Variants in CDH4 observed in about 807,000 individuals in gnomAD.
CDH4 encodes the protein cadherin 4, also known as cadherin-4.
CDH4 carries 33 observed loss-of-function variants against 86.0 expected under a neutral mutation model. The ratio of observed to expected loss-of-function variants is 0.38; its 90% CI spans 0.29 to 0.51. CDH4 has a LOEUF of 0.51. Among genes scored for constraint, CDH4 ranks in the 20% least tolerant of loss-of-function variants. The pLI is 0.86. For synonymous variants in CDH4, 555 were observed against 549.4 expected (o/e 1.01, Z -0.14); for missense variants, 1,114 against 1,307.4 (o/e 0.85, Z 2.28).
In CDH4 at chr20:61,925,597, A is replaced by G. The variant is rs114273053; in HGVS notation, c.1771+1121A>G. ...GCCGCTGCTCATCAGTGGGTGGAAC[A>G]CAGTGACGCCCTGCTGTGGCTTGGC... On this transcript the variant is annotated intron_variant, in intron 11 of 15. Coordinates refer to ENST00000614565, the MANE Select transcript of CDH4 (RefSeq NM_001794.5). 9.9e-3 allele frequency among the ~76,000 whole-genome samples: 1,506 copies of G among 152,346 alleles called. 31 individuals carry two copies. The highest frequency in any genetic ancestry group is 0.035 in the African/African-American group (1,442 of 41,576).
chr20:61,355,806 G>A (rs1287847219), intron 2 of CDH4, among the ~76,000 whole-genome samples: 4 of 152,168 alleles, frequency 2.6e-5, no homozygotes, highest in Non-Finnish European at 4.4e-5. Context: ...CCACACATGC[G>A]CACTACAGTC....
chr20:61,609,841 T>G (rs929169709), intron 2 of CDH4, among the ~76,000 whole-genome samples: 54 of 152,222 alleles, frequency 3.5e-4, no homozygotes, highest in African/African-American at 1.3e-3. Flanking sequence ...TTTTCCTGTG[T>G]TTTTCTTCTA....
At chr20:61,577,324 T>C (rs1403313937) in intron 2 of CDH4, among the ~76,000 whole-genome samples, 2 of 151,876 alleles carry the variant, frequency 1.3e-5, no homozygotes, top group East Asian at 3.9e-4. Flanking sequence ...GAAGGATGAG[T>C]GGATGTTTTG....
chr20:61,368,858 C>T (rs75961801), intron 2 of CDH4, among the ~76,000 whole-genome samples: 3,186 of 152,220 alleles, frequency 0.021, 46 homozygotes, highest in Non-Finnish European at 0.032. Context: ...TACTAAAACA[C>T]CCCTTAACGA....
chr20:61,543,155 C>T (rs563281767), intron 2 of CDH4, among the ~76,000 whole-genome samples: 6 of 152,316 alleles, frequency 3.9e-5, no homozygotes, highest in East Asian at 1.9e-4. Context: ...GCCACATTGA[C>T]GCTGGGTCTG....
At chr20:61,884,600 C>T (rs1300799837) in intron 7 of CDH4, among the ~76,000 whole-genome samples, 1 of 152,130 alleles carries the variant, frequency 6.6e-6, no homozygotes, top group Admixed American at 6.5e-5. Flanking sequence ...CATGCTCAGC[C>T]CCTCCCCACC....
chr20:61,366,941 C>T (rs117723297), intron 2 of CDH4, among the ~76,000 whole-genome samples: 1,612 of 152,180 alleles, frequency 0.011, 12 homozygotes, highest in Admixed American at 0.016. Context: ...GGGTCATAGC[C>T]CTGGACAACT....
chr20:61,907,239 G>A (rs1032314297), intron 8 of CDH4, among the ~76,000 whole-genome samples: 4 of 152,142 alleles, frequency 2.6e-5, no homozygotes, highest in Non-Finnish European at 4.4e-5. Context: ...CACGGACCTG[G>A]CTGAGGAGGG....
At position 61,322,684 on chromosome 20, in the gene CDH4, C is replaced by G. The variant is rs541631595; in HGVS notation, c.169+67747C>G. On this transcript the variant is annotated intron_variant, in intron 2 of 15. Transcript: ENST00000614565. ...GTTTGCCAGCCACACAATATGTTCA[C>G]TTCATCCAACGCTGAGACGCAGCCA... Among the ~76,000 whole-genome samples the G allele has an allele frequency of 2.0e-5, 3 of 152,312 alleles. No individual in the cohort carries two copies. The East Asian group carries it at 5.8e-4, about 29-fold the overall frequency.
intron 2 of CDH4, among the ~76,000 whole-genome samples, chr20:61,396,775 C>T (rs2085020003): frequency 6.6e-6 from 1 of 152,192 alleles, no homozygotes; most frequent in African/African-American, 2.4e-5. Context: ...CACAGTGACC[C>T]ATCACTAGCC....
rs139798606 is a variant in CDH4, at chr20:61,925,085, G to A, written c.1771+609G>A. Among the ~76,000 whole-genome samples, 302 of 152,310 alleles carry A rather than the reference G, an allele frequency of 2.0e-3. 1 individual carries two copies. The highest frequency in any genetic ancestry group is 8.1e-3 in the South Asian group (39 of 4,826). ...CCAGGGCCCTGGGAGTGCAGAGGGC[G>A]GTGGCAAGGTCCCGGGGCAGGCGGC... On this transcript the variant is annotated intron_variant, in intron 11 of 15. Coordinates refer to ENST00000614565, the MANE Select transcript of CDH4 (RefSeq NM_001794.5).
chr20:61,867,072 C>T lies in CDH4; in HGVS notation c.878-6656C>T, dbSNP rs534267106. On this transcript the variant is annotated intron_variant, in intron 6 of 15. Coordinates refer to ENST00000614565, the MANE Select transcript of CDH4 (RefSeq NM_001794.5). ...CAGTGAGGAACCAGCAGGAGAGAGA[C>T]GGGTGGAGGCTGCCTTCCAGGTGCC... Among the ~76,000 whole-genome samples, 9 of 152,348 alleles carry T rather than the reference C, an allele frequency of 5.9e-5. No individual in the cohort carries two copies. The South Asian group carries it at 1.2e-3, about 21-fold the overall frequency.
chr20:61,673,399 T>G (rs1454056717), intron 2 of CDH4, among the ~76,000 whole-genome samples: 1 of 152,234 alleles, frequency 6.6e-6, no homozygotes, highest in Non-Finnish European at 1.5e-5. Context: ...AAGGCCCACG[T>G]GAAGGGCATG....
chr20:61,446,025 C>T (rs1188081218), intron 2 of CDH4, among the ~76,000 whole-genome samples: 1 of 152,206 alleles, frequency 6.6e-6, no homozygotes, highest in Non-Finnish European at 1.5e-5. Flanking sequence ...CACAAGGAAA[C>T]TGTGGGTGCG....
In CDH4 at chr20:61,663,050, C is replaced by T. The variant is rs1293241170; in HGVS notation, c.170-80513C>T. On this transcript the variant is annotated intron_variant, in intron 2 of 15. Coordinates refer to ENST00000614565, the MANE Select transcript of CDH4 (RefSeq NM_001794.5). This position sits in a 1 kb window ranked among gnomAD's most constrained non-coding sequence, Gnocchi z 5.0. Reference sequence around the variant, plus strand: ...AGAACCCATGGCCCTGACTCACCTCCCCCTCCACCATGGTATTGATGACAA... The same window carrying T: ...AGAACCCATGGCCCTGACTCACCTCTCCCTCCACCATGGTATTGATGACAA... 4.6e-5 allele frequency among the ~76,000 whole-genome samples: 7 copies of T among 152,314 alleles called. No homozygotes were observed. In the South Asian group the frequency reaches 1.5e-3, roughly 32 times the overall value.
intron 2 of CDH4, among the ~76,000 whole-genome samples, chr20:61,621,654 G>A (rs2086778849): frequency 6.6e-6 from 1 of 152,166 alleles, no homozygotes; most frequent in African/African-American, 2.4e-5. Flanking sequence ...TTATTCCAGA[G>A]CAAAGCACCC....
intron 4 of CDH4, among the ~76,000 whole-genome samples, chr20:61,795,910 G>A (rs1020778587): frequency 6.6e-6 from 1 of 152,150 alleles, no homozygotes; most frequent in African/African-American, 2.4e-5. Flanking sequence ...TAAGAAGGGC[G>A]GGCTTTGTCC....
intron 2 of CDH4, among the ~76,000 whole-genome samples, chr20:61,277,336 C>T (rs552342438): frequency 3.3e-5 from 5 of 152,290 alleles, no homozygotes; most frequent in South Asian, 4.1e-4. Flanking sequence ...CTCTCTTCTG[C>T]GTCTTCCTAA....
intron 2 of CDH4, among the ~76,000 whole-genome samples, chr20:61,572,262 A>G (rs943314582): frequency 3.3e-5 from 5 of 152,186 alleles, no homozygotes; most frequent in Admixed American, 6.5e-5. Flanking sequence ...TGTCCCTTAG[A>G]CTAATCATAG....
Sources: allele counts gnomAD v4.1 joint callset (sites outside exome capture counted in the v4.1 genomes callset), GRCh38; gene constraint gnomAD v4.1.1; non-coding constraint Gnocchi (gnomAD v3.1); transcripts MANE v1.5; gene names NCBI Gene and HGNC (gene_info 2026-07-23, HGNC 2026-07-21).